The following ZDHHC23 variants were observed in gnomAD, a reference collection of about 807,000 sequenced individuals.
ZDHHC23 encodes the protein zDHHC palmitoyltransferase 23, also known as palmitoyltransferase ZDHHC23.
A neutral mutation model predicts 40.2 loss-of-function variants in ZDHHC23; 41 were observed. The observed-to-expected ratio is 1.02, with a 90% CI of 0.79 to 1.32. The LOEUF (loss-of-function observed/expected upper bound fraction) is 1.32. ZDHHC23 is among the 40% of genes most tolerant of loss of function. The pLI is 0.00. For missense variants in ZDHHC23, 471 were observed against 541.5 expected, an observed-to-expected ratio of 0.87 and a Z score of 1.29; for synonymous variants, 204 against 210.2, an observed-to-expected ratio of 0.97 and a Z score of 0.26.
rs1295333839 is a variant in ZDHHC23, at chr3:113,962,859, T to C, written c.*4229T>C. On this transcript the variant is annotated 3_prime_UTR_variant, in exon 5 of 5. Coordinates refer to ENST00000638807, the MANE Select transcript of ZDHHC23 (RefSeq NM_001320466.2). ...ATATACTTGTATTCATATCCTCTTA[T>C]CACCTCAGACTCAGACACAAGGCCT... The C allele has an allele frequency of 6.6e-6, 1 of 152,212 alleles. No homozygotes were observed. Among genetic ancestry groups the C allele is most frequent in the East Asian group, 1.9e-4 (1 of 5,200 alleles). The allele number at this position is 152,212 out of a possible 1,614,324, so 9.4% of individuals were successfully genotyped here. A position where few individuals can be genotyped will look rare whatever the true frequency, so the allele number is the denominator to read the frequency against.
intron 3 of ZDHHC23, among the ~76,000 whole-genome samples, chr3:113,955,839 C>T (rs1009741178): frequency 4.6e-5 from 7 of 152,224 alleles, no homozygotes; most frequent in South Asian, 4.2e-4. Flanking sequence ...TTCCACTTTG[C>T]GAAGAGTAGA....
chr3:113,965,893 C>T (rs914590673), downstream of ZDHHC23, among the ~76,000 whole-genome samples: 2 of 152,054 alleles, frequency 1.3e-5, no homozygotes, highest in Admixed American at 1.3e-4. Flanking sequence ...CTGTGCCTGG[C>T]CAGTTATTTT....
At chr3:113,975,605 T>C in the ZDHHC23 span, among the ~76,000 whole-genome samples, 2 of 152,130 alleles carry the variant, frequency 1.3e-5, no homozygotes, top group East Asian at 3.8e-4. Flanking sequence ...AACAGTAAAT[T>C]ATATACTTTC....
At chr3:113,971,724 T>C in the ZDHHC23 span, among the ~76,000 whole-genome samples, 1 of 152,198 alleles carries the variant, frequency 6.6e-6, no homozygotes, top group Non-Finnish European at 1.5e-5. Flanking sequence ...TCTTCAGTTT[T>C]TTTTTGAAGA....
At chr3:113,963,408 G>A (rs1470340703), downstream of ZDHHC23, 3 of 151,744 alleles carry the variant, frequency 2.0e-5, no homozygotes, top group African/African-American at 7.3e-5. Flanking sequence ...CTGGCATGTT[G>A]ACTTAAGGAA....
chr3:113,972,638 G>A, the ZDHHC23 span, among the ~76,000 whole-genome samples: 1 of 152,090 alleles, frequency 6.6e-6, no homozygotes, highest in Non-Finnish European at 1.5e-5. Context: ...ATTTTCTTCT[G>A]GATAATTTGT....
chr3:113,958,575 A>G lies in ZDHHC23; in HGVS notation c.1253A>G (p.Gln418Arg). The G allele has an allele frequency of 1.2e-6, 2 of 1,609,084 alleles. No individual in the cohort carries two copies. The highest frequency in any genetic ancestry group is 1.7e-6 in the Non-Finnish European group (2 of 1,179,940). ...YNRGFLRNWH[Q>R]FSTLGTRAFH... ...AGGGGCTTCCTGCGGAACTGGCACC[A>G]GTTCTCCACCCTGGGCACACGTGCA... Residue 418 changes from glutamine to arginine, a missense_variant, in exon 5 of 5, where the codon CAG becomes CGG. Gln to Arg is a conservative substitution (Grantham distance 43, BLOSUM62 1). Around this residue, in one of 3 missense-constraint regions of ZDHHC23, gnomAD observed 346 missense variants for 399.8 expected, o/e 0.87. Coordinates refer to ENST00000638807, the MANE Select transcript of ZDHHC23 (RefSeq NM_001320466.2).
the ZDHHC23 span, among the ~76,000 whole-genome samples, chr3:113,975,243 T>A: frequency 2.0e-5 from 3 of 152,222 alleles, no homozygotes; most frequent in South Asian, 6.2e-4. Flanking sequence ...GATACAGATA[T>A]GTAAGATTAC....
the ZDHHC23 span, among the ~76,000 whole-genome samples, chr3:113,972,118 G>C: frequency 6.6e-6 from 1 of 151,798 alleles, no homozygotes; most frequent in Non-Finnish European, 1.5e-5. Flanking sequence ...TAATAATTTG[G>C]GGTTTGGTTT....
the ZDHHC23 span, chr3:113,978,259 A>G: frequency 6.2e-7 from 1 of 1,614,048 alleles, no homozygotes; most frequent in Non-Finnish European, 8.5e-7. Flanking sequence ...ATGTTAAACC[A>G]GGCCCTGAAA....
At position 113,962,760 on chromosome 3, in the gene ZDHHC23, T is replaced by C. The variant is rs574908089; in HGVS notation, c.*4130T>C. 1.6e-4 allele frequency: 25 copies of C among 152,308 alleles called. No individual in the cohort carries two copies. In the South Asian group the frequency reaches 5.0e-3, roughly 30 times the overall value. 9.4% of individuals were successfully genotyped at this position (152,308 alleles called of 1,614,324 possible). On this transcript the variant is annotated 3_prime_UTR_variant, in exon 5 of 5. Transcript: ENST00000638807. ...TGTTACATTTAATATTTAATGTAAC[T>C]GGTCTAGCAACATTAAGGGGGATTT... is the stretch of plus-strand genomic sequence containing the variant.
intron 2 of ZDHHC23, among the ~76,000 whole-genome samples, chr3:113,950,604 A>G (rs1349760847): frequency 2.0e-5 from 3 of 152,220 alleles, no homozygotes; most frequent in Non-Finnish European, 4.4e-5. Context: ...GGAGGGACAC[A>G]GATACTTCCT....
the ZDHHC23 span, chr3:113,978,422 A>G: frequency 7.7e-7 from 1 of 1,300,720 alleles, no homozygotes; most frequent in Non-Finnish European, 1.1e-6. Context: ...CAGAAATGAA[A>G]CAAAAGAAAC....
chr3:113,977,801 T>C, the ZDHHC23 span, among the ~76,000 whole-genome samples: 2 of 152,200 alleles, frequency 1.3e-5, no homozygotes, highest in African/African-American at 4.8e-5. Context: ...TTAAGCACTT[T>C]TCTATATTTG....
chr3:113,953,942 A>G lies in ZDHHC23; in HGVS notation c.404A>G (p.Lys135Arg). 1 of 1,614,138 alleles carries G rather than the reference A, an allele frequency of 6.2e-7. No individual in the cohort carries two copies. The highest frequency in any genetic ancestry group is 2.2e-5 in the East Asian group (1 of 44,884). The change falls in exon 3 of 5, where the codon AAA (lysine) becomes AGA (arginine). Residue 135 changes from lysine (K) to arginine (R), a missense_variant. Lys to Arg is a conservative substitution (Grantham distance 26). This residue lies in a region of ZDHHC23 where 346 missense variants were observed against 399.8 expected (regional missense o/e 0.87). Transcript: ENST00000638807. The part of the protein sequence containing the change: ...LWYYYLTHRR[K>R]EQTLFFLSLG... ...TACTACTACCTCACTCACAGAAGGAAAGAACAGACCCTGTTTTTCCTGAGC... is the reference window on the plus strand; with the variant it reads ...TACTACTACCTCACTCACAGAAGGAGAGAACAGACCCTGTTTTTCCTGAGC...
Position 113,954,284 on chromosome 3 carries a change from C to G in ZDHHC23, c.746C>G (p.Pro249Arg), listed in dbSNP as rs1366888842. The G allele has an allele frequency of 6.2e-7, 1 of 1,614,108 alleles. No homozygotes were observed. The highest frequency in any genetic ancestry group is 1.7e-5 in the Admixed American group (1 of 60,028). Residue 249 changes from proline to arginine, a missense_variant, in exon 3 of 5, where the codon CCA becomes CGA. By Grantham distance (103) the Pro-to-Arg change is moderately radical. Coordinates refer to ENST00000638807, the MANE Select transcript of ZDHHC23 (RefSeq NM_001320466.2). Reference protein sequence around the residue: ...KDDPKGSSKMPAGSPTKAKED... With the variant: ...KDDPKGSSKMRAGSPTKAKED... ...GACCCCAAGGGCTCTTCCAAGATGC[C>G]AGCTGGAAGCCCCACCAAAGCGAAG... is the stretch of plus-strand genomic sequence containing the variant.
At chr3:113,976,357 A>C in the ZDHHC23 span, among the ~76,000 whole-genome samples, 1 of 152,108 alleles carries the variant, frequency 6.6e-6, no homozygotes, top group East Asian at 1.9e-4. Flanking sequence ...CAAGAAGAGA[A>C]TGTTTTAGGG....
At chr3:113,978,989 A>AAGAGT in the ZDHHC23 span, 1 of 1,613,924 alleles carries the variant, frequency 6.2e-7, no homozygotes, top group Non-Finnish European at 8.5e-7. Flanking sequence ...TGCAGGAACA[A>AAGAGT]AGAGTAATGT....
At chr3:113,956,288 A>G in intron 3 of ZDHHC23, 51 bp from the exon 4 acceptor site, 1 of 1,563,188 alleles carries the variant, frequency 6.4e-7, no homozygotes. Context: ...AAGTTATATC[A>G]AGAACTCTTA....
Sources: allele counts gnomAD v4.1 joint callset (sites outside exome capture counted in the v4.1 genomes callset), GRCh38; gene constraint gnomAD v4.1.1; regional missense constraint gnomAD v4.1.1; transcripts MANE v1.5; gene names NCBI Gene and HGNC (gene_info 2026-07-23, HGNC 2026-07-21).